BBX: variants seen among roughly 807,000 people sequenced by gnomAD.
The protein encoded by BBX is BBX high mobility group box domain containing, also known as HMG box transcription factor BBX.
BBX carries 30 observed loss-of-function variants against 100.2 expected under a neutral mutation model. That is an observed-to-expected ratio of 0.30 (90% confidence interval 0.22 to 0.41). BBX has a LOEUF of 0.41. BBX is among the 10% of genes least tolerant of loss of function. The pLI, the probability that BBX is intolerant of heterozygous loss-of-function variation, is 1.00. For synonymous variants in BBX, 376 were observed against 388.1 expected, an observed-to-expected ratio of 0.97 and a Z score of 0.37; for missense variants, 1,023 against 1,129.8, an observed-to-expected ratio of 0.91 and a Z score of 1.35.
chr3:107,613,400 T>C (rs963747556), intron 2 of BBX, among the ~76,000 whole-genome samples: 1 of 150,060 alleles, frequency 6.7e-6, no homozygotes, highest in African/African-American at 2.5e-5. Flanking sequence ...ATTCCTGTTA[T>C]CCTTTTATTA....
intron 3 of BBX, among the ~76,000 whole-genome samples, chr3:107,671,944 C>G (rs1345982303): frequency 6.6e-6 from 1 of 152,050 alleles, no homozygotes; most frequent in Admixed American, 6.6e-5. Flanking sequence ...TTATCTCAGA[C>G]AACTACAGAA....
intron 2 of BBX, among the ~76,000 whole-genome samples, chr3:107,632,274 A>G (rs1438074346): frequency 1.3e-5 from 2 of 151,782 alleles, no homozygotes; most frequent in African/African-American, 2.4e-5. Flanking sequence ...TAGTAGAGAC[A>G]AGGCTTTACC....
At chr3:107,714,191 G>A (rs561001545) in intron 4 of BBX, among the ~76,000 whole-genome samples, 1 of 151,838 alleles carries the variant, frequency 6.6e-6, no homozygotes, top group Non-Finnish European at 1.5e-5. Flanking sequence ...GGTCAAACTG[G>A]TCTTGAACTC....
Position 107,791,268 on chromosome 3 carries a change from A to G in BBX, c.2322A>G (p.Gln774=), listed in dbSNP as rs1274408893. 5.6e-6 allele frequency: 9 copies of G among 1,613,236 alleles called. No homozygotes were observed. The Admixed American group carries it at 6.7e-5, about 12-fold the overall frequency. Residue 774 remains glutamine, a synonymous_variant, in exon 15 of 18, where the codon CAA becomes CAG. Transcript: ENST00000325805. ...GTGGGGATAAATGGTCAAACAAGCA[A>G]CTCTTCTTGGATGCCATTCACCCTA... The part of the protein sequence containing the change: ...KGSGDKWSNK[Q]LFLDAIHPTE...
chr3:107,717,552 G>A (rs762280214), intron 5 of BBX, among the ~76,000 whole-genome samples: 1 of 152,100 alleles, frequency 6.6e-6, no homozygotes, highest in Non-Finnish European at 1.5e-5. Flanking sequence ...ATAAATGATT[G>A]AATACCAGTG....
chr3:107,694,898 T>C (rs1222031627), intron 3 of BBX, among the ~76,000 whole-genome samples: 1 of 151,830 alleles, frequency 6.6e-6, no homozygotes, highest in Non-Finnish European at 1.5e-5. Context: ...ATTCAGAGAT[T>C]CAACTTCTTC....
chr3:107,586,449 GAATT>G (rs983606724), intron 2 of BBX, among the ~76,000 whole-genome samples: 3 of 152,034 alleles, frequency 2.0e-5, no homozygotes, highest in Non-Finnish European at 4.4e-5. Flanking sequence ...TTTTTAATGT[GAATT>G]AAACAATTTT....
intron 2 of BBX, chr3:107,526,648 C>T (rs1038350274): frequency 1.7e-5 from 5 of 300,304 alleles, no homozygotes; most frequent in African/African-American, 1.1e-4. Flanking sequence ...AAAACTTATT[C>T]TCAAATAGAC....
intron 4 of BBX, chr3:107,716,383 G>C (rs1391046175): frequency 3.7e-6 from 2 of 541,636 alleles, no homozygotes; most frequent in Non-Finnish European, 6.5e-6. Flanking sequence ...TGCTGTAATA[G>C]AGACATGCAC....
At chr3:107,627,148 T>C (rs2056239332) in intron 2 of BBX, among the ~76,000 whole-genome samples, 1 of 152,188 alleles carries the variant, frequency 6.6e-6, no homozygotes. Flanking sequence ...GTGAAAATTA[T>C]TGGTTGGGCT....
chr3:107,608,079 G>C (rs978278564), intron 2 of BBX, among the ~76,000 whole-genome samples: 3 of 152,036 alleles, frequency 2.0e-5, no homozygotes, highest in Non-Finnish European at 4.4e-5. Context: ...GATCCCATCT[G>C]TCCGTTTTCT....
intron 7 of BBX, among the ~76,000 whole-genome samples, chr3:107,738,888 G>A (rs1033375469): frequency 2.6e-5 from 4 of 152,100 alleles, no homozygotes; most frequent in Non-Finnish European, 5.9e-5. Flanking sequence ...TTGTAAATGA[G>A]GAAACTAGGT....
At chr3:107,666,871 A>C (rs1401688137) in intron 3 of BBX, among the ~76,000 whole-genome samples, 1 of 152,184 alleles carries the variant, frequency 6.6e-6, no homozygotes, top group Non-Finnish European at 1.5e-5. Flanking sequence ...CACCCGGCCT[A>C]AAATATAAAA....
intron 7 of BBX, among the ~76,000 whole-genome samples, chr3:107,736,849 G>A (rs537888882): frequency 6.6e-6 from 1 of 152,162 alleles, no homozygotes; most frequent in South Asian, 2.1e-4. Flanking sequence ...GGGGTGGTTG[G>A]AGAAAAGTAG....
chr3:107,588,576 C>T (rs943167574), intron 2 of BBX, among the ~76,000 whole-genome samples: 5 of 152,108 alleles, frequency 3.3e-5, no homozygotes, highest in African/African-American at 1.2e-4. Context: ...TCCCAGTTTG[C>T]CACCTATAAA....
intron 2 of BBX, among the ~76,000 whole-genome samples, chr3:107,544,209 C>T (rs648604): frequency 0.11 from 16,329 of 152,152 alleles, 993 homozygotes; most frequent in Non-Finnish European, 0.12. Context: ...TGGGCAGCTG[C>T]GACTCTATTC....
At position 107,744,725 on chromosome 3, in the gene BBX, T is replaced by C. The variant is rs777027040; in HGVS notation, c.750+15T>C. 2.1e-5 allele frequency: 34 copies of C among 1,597,442 alleles called. No homozygotes were observed. Among genetic ancestry groups the C allele is most frequent in the Middle Eastern group, 1.7e-4 (1 of 6,020 alleles). ...AGTTTGCCGAGGTAATATATTACAA[T>C]TGATACTTAACTAATGAGGAAATTG... is the stretch of plus-strand genomic sequence containing the variant. On this transcript the variant is annotated intron_variant, in intron 8 of 17. Transcript: ENST00000325805.
intron 10 of BBX, among the ~76,000 whole-genome samples, chr3:107,767,205 A>G (rs78808858): frequency 0.027 from 4,166 of 152,322 alleles, 66 homozygotes; most frequent in South Asian, 0.048. Context: ...TATAAAATAC[A>G]TATGTATTTC....
intron 2 of BBX, among the ~76,000 whole-genome samples, chr3:107,603,020 G>A (rs1465656789): frequency 1.3e-5 from 2 of 152,196 alleles, no homozygotes; most frequent in Admixed American, 1.3e-4. Flanking sequence ...CTGGAGTGCA[G>A]TGGCACAATC....
Sources: allele counts gnomAD v4.1 joint callset (sites outside exome capture counted in the v4.1 genomes callset), GRCh38; gene constraint gnomAD v4.1.1; transcripts MANE v1.5; gene names NCBI Gene and HGNC (gene_info 2026-07-23, HGNC 2026-07-21).